Variants in AP3S2 observed in about 807,000 individuals in gnomAD.
The protein encoded by AP3S2 is AP-3 complex subunit sigma-2.
Under a neutral mutation model 23.4 loss-of-function variants are expected in AP3S2, and 22 were observed. The observed-to-expected ratio is 0.94, with a 90% CI of 0.67 to 1.34. The LOEUF is 1.34. Ranked by LOEUF, AP3S2 falls within the 40% of genes most tolerant of loss-of-function variation. The probability of loss-of-function intolerance (pLI) is 0.00; values close to 1 mark genes in which losing one functional copy is unlikely to be tolerated. For synonymous variants in AP3S2, 86 were observed against 87.1 expected (o/e 0.99, Z 0.07); for missense variants, 241 against 236.9 (o/e 1.02, Z -0.11).
At chr15:89,867,995 T>G (rs1260813726) in intron 4 of AP3S2, among the ~76,000 whole-genome samples, 1 of 123,820 alleles carries the variant, frequency 8.1e-6, no homozygotes, top group South Asian at 2.7e-4. Flanking sequence ...GGTGGGGGGG[T>G]CAGCCCCCCG....
intron 4 of AP3S2, among the ~76,000 whole-genome samples, chr15:89,859,050 G>A (rs1431082744): frequency 6.6e-6 from 1 of 151,198 alleles, no homozygotes; most frequent in African/African-American, 2.4e-5. Flanking sequence ...AAAGAGATGG[G>A]GTCTCACTTA....
intron 4 of AP3S2, among the ~76,000 whole-genome samples, chr15:89,853,513 A>G (rs1460767726): frequency 6.6e-6 from 1 of 152,266 alleles, no homozygotes; most frequent in Non-Finnish European, 1.5e-5. Context: ...AGTCTAAAGA[A>G]TCAATGAGGG....
chr15:89,838,063 G>A (rs1286978617), intron 4 of AP3S2: 2 of 267,326 alleles, frequency 7.5e-6, no homozygotes, highest in Non-Finnish European at 1.5e-5. Context: ...CAGGATTGCA[G>A]TGAGGACTGG....
At chr15:89,869,046 G>A (rs1404318787) in intron 4 of AP3S2, among the ~76,000 whole-genome samples, 19 of 150,828 alleles carry the variant, frequency 1.3e-4, no homozygotes, top group African/African-American at 3.2e-4. Flanking sequence ...CCCTCTGCCC[G>A]GCCACCACCC....
At chr15:89,883,392 A>G (rs567948646) in intron 3 of AP3S2, among the ~76,000 whole-genome samples, 1 of 152,184 alleles carries the variant, frequency 6.6e-6, no homozygotes, top group African/African-American at 2.4e-5. Context: ...TAAACAATAA[A>G]AGATACTCCT....
At chr15:89,867,885 G>A (rs1256789) in intron 4 of AP3S2, among the ~76,000 whole-genome samples, 1 of 115,926 alleles carries the variant, frequency 8.6e-6, no homozygotes, top group African/African-American at 3.2e-5. Flanking sequence ...GTGAGGAGCG[G>A]CTCCGCCCGG....
chr15:89,844,269 T>TTCTC (rs796817436), intron 4 of AP3S2, among the ~76,000 whole-genome samples: 2 of 12,104 alleles, frequency 1.7e-4, no homozygotes, highest in South Asian at 2.6e-3. Context: ...CTTTCTTTCT[T>TTCTC]TCTCTCTCTC....
chr15:89,893,727 G>A (rs1896872122), intron 1 of AP3S2, 154 bp downstream of exon 1: 4 of 686,584 alleles, frequency 5.8e-6, no homozygotes, highest in South Asian at 1.9e-5. Context: ...ACCAGCCTGC[G>A]CCTAGATTAA....
intron 4 of AP3S2, among the ~76,000 whole-genome samples, chr15:89,870,376 G>A (rs1375637815): frequency 6.6e-6 from 1 of 152,094 alleles, no homozygotes; most frequent in Non-Finnish European, 1.5e-5. Flanking sequence ...GGTTGTCAGG[G>A]AGTCCAAAGT....
chr15:89,845,470 G>C (rs1895464126), intron 4 of AP3S2: 1 of 152,188 alleles, frequency 6.6e-6, no homozygotes, highest in Non-Finnish European at 1.5e-5. Context: ...AGATAGATGG[G>C]ACTTAAGAAA....
intron 4 of AP3S2, among the ~76,000 whole-genome samples, chr15:89,850,407 G>A (rs939285191): frequency 6.6e-6 from 1 of 152,098 alleles, no homozygotes; most frequent in Non-Finnish European, 1.5e-5. Flanking sequence ...GCTGGTTTAG[G>A]GGCCACAGAG....
intron 4 of AP3S2, among the ~76,000 whole-genome samples, chr15:89,856,744 G>A (rs1199135094): frequency 1.4e-5 from 2 of 144,804 alleles, no homozygotes; most frequent in Admixed American, 7.0e-5. Flanking sequence ...GTGGTGGTGC[G>A]CACCTGTAGT....
At chr15:89,851,678 G>A (rs965472513) in intron 4 of AP3S2, among the ~76,000 whole-genome samples, 7 of 151,946 alleles carry the variant, frequency 4.6e-5, no homozygotes, top group Non-Finnish European at 1.5e-5. Flanking sequence ...TCACTCACTG[G>A]CTTCATATTT....
chr15:89,881,575 C>G (rs183196229), intron 3 of AP3S2, among the ~76,000 whole-genome samples: 35 of 152,152 alleles, frequency 2.3e-4, no homozygotes, highest in African/African-American at 7.7e-4. Context: ...TTAGAATATA[C>G]AAAATATGAC....
chr15:89,855,717 G>A (rs1895814920), intron 4 of AP3S2, among the ~76,000 whole-genome samples: 1 of 142,456 alleles, frequency 7.0e-6, no homozygotes, highest in Non-Finnish European at 1.5e-5. Context: ...GGGCGTGGTG[G>A]TGCATGCCTG....
At chr15:89,844,101 T>C (rs1186550183) in intron 4 of AP3S2, among the ~76,000 whole-genome samples, 1 of 152,260 alleles carries the variant, frequency 6.6e-6, no homozygotes, top group Non-Finnish European at 1.5e-5. Flanking sequence ...TGACTTTTAC[T>C]GTGACTTTTC....
intron 3 of AP3S2, among the ~76,000 whole-genome samples, chr15:89,885,516 T>C (rs565618638): frequency 1.3e-5 from 2 of 152,362 alleles, no homozygotes; most frequent in Admixed American, 1.3e-4. Context: ...GCAGTTATTT[T>C]TGTAGTCGGC....
At chr15:89,835,701 T>TG in intron 5 of AP3S2, 58 bp from the exon 6 acceptor site, 1 of 1,040,112 alleles carries the variant, frequency 9.6e-7, no homozygotes, top group Non-Finnish European at 1.2e-6. Context: ...TGCTTAATGC[T>TG]AAAAAAAAAA....
chr15:89,857,125 T>A (rs932525127), intron 4 of AP3S2, among the ~76,000 whole-genome samples: 1 of 152,048 alleles, frequency 6.6e-6, no homozygotes, highest in African/African-American at 2.4e-5. Flanking sequence ...GAAAGCTTCA[T>A]CAAAAGTAAA....
Sources: gnomAD v4.1 joint callset for allele counts (sites outside exome capture counted in the v4.1 genomes callset) on GRCh38, gnomAD v4.1.1 for gene constraint, MANE v1.5 for transcripts, NCBI Gene and HGNC (gene_info 2026-07-23, HGNC 2026-07-21) for gene names.